Variants in CSMD1 observed in about 807,000 individuals in gnomAD.
CSMD1 encodes CUB and sushi domain-containing protein 1.
Under a neutral mutation model 417.5 loss-of-function variants are expected in CSMD1, and 213 were observed. That is an observed-to-expected ratio of 0.51 (90% CI 0.46 to 0.57). The LOEUF is 0.57. CSMD1 is among the 20% of genes least tolerant of loss of function. The probability of loss-of-function intolerance (pLI) is 0.00; values close to 1 mark genes in which losing one functional copy is unlikely to be tolerated. For synonymous variants in CSMD1, 2,862 were observed against 1,736.8 expected (o/e 1.65, Z -16.11); for missense variants, 6,923 against 4,529.7 (o/e 1.53, Z -15.17).
chr8:2,940,366 G>A (rs1801784439), intron 69 of CSMD1, among the ~76,000 whole-genome samples: 2 of 152,152 alleles, frequency 1.3e-5, no homozygotes, highest in African/African-American at 4.8e-5. Flanking sequence ...ACTGTGAGAG[G>A]GAACAGCTTC....
In CSMD1 at chr8:3,096,979, C is replaced by T. The variant is rs775597713; in HGVS notation, c.7008G>A (p.Gly2336=). 5 of 1,555,634 alleles carry T rather than the reference C, an allele frequency of 3.2e-6. No individual in the cohort carries two copies. The highest frequency in any genetic ancestry group is 4.4e-6 in the Non-Finnish European group (5 of 1,148,754). The change falls in exon 47 of 70, where the codon GGG becomes GGA. Residue 2336 remains glycine (G), a synonymous_variant. Transcript: ENST00000635120. ...GGGAGTTAAAATAATTACCCGGATACCCTGGACTGAGAATGACTCCCGATG... is the reference window on the plus strand; with the variant it reads ...GGGAGTTAAAATAATTACCCGGATATCCTGGACTGAGAATGACTCCCGATG... ...TGSSGVILSP[G]YPGNYFNSQT...
chr8:3,852,000 G>A (rs1217428971), intron 5 of CSMD1, among the ~76,000 whole-genome samples: 2 of 152,148 alleles, frequency 1.3e-5, no homozygotes, highest in East Asian at 3.9e-4. Flanking sequence ...GCATGGAGGG[G>A]CTGCAATCAC....
intron 40 of CSMD1, among the ~76,000 whole-genome samples, chr8:3,148,201 T>C (rs913215817): frequency 1.3e-5 from 2 of 152,198 alleles, no homozygotes; most frequent in Non-Finnish European, 2.9e-5. Context: ...ATAATTGTGG[T>C]CACCTCTGCT....
chr8:4,920,856 GA>G (rs1806394197), intron 1 of CSMD1, among the ~76,000 whole-genome samples: 2 of 892 alleles, frequency 2.2e-3, no homozygotes, highest in African/African-American at 3.9e-3. Context: ...GAAAAGAAAA[GA>G]AAAGAAAAGA....
In CSMD1 at chr8:3,032,166, G is replaced by A. The variant is rs762969458; in HGVS notation, c.7661-2653C>T. ...AAGTCCATCTTGTCCTTTGTTAACT[G>A]AAGGATGAGAGTGGAAGAGTGGAGA... On this transcript the variant is annotated intron_variant, in intron 50 of 69. Transcript: ENST00000635120. 2.6e-5 allele frequency among the ~76,000 whole-genome samples: 4 copies of A among 151,932 alleles called. 1 individual carries two copies. Among genetic ancestry groups the A allele is most frequent in the Non-Finnish European group, 4.4e-5 (3 of 67,960 alleles).
intron 10 of CSMD1, among the ~76,000 whole-genome samples, chr8:3,506,392 C>A (rs926962733): frequency 2.0e-5 from 3 of 152,140 alleles, no homozygotes; most frequent in Admixed American, 6.5e-5. Flanking sequence ...GGAGTAAACA[C>A]GTTTTTACAC....
chr8:4,343,607 A>C (rs1358864561), intron 3 of CSMD1, among the ~76,000 whole-genome samples: 1 of 152,116 alleles, frequency 6.6e-6, no homozygotes, highest in Non-Finnish European at 1.5e-5. Context: ...ATAGAAACTA[A>C]CCCAAAAAGC....
At chr8:3,382,647 A>C (rs1810711553) in intron 18 of CSMD1, among the ~76,000 whole-genome samples, 1 of 147,854 alleles carries the variant, frequency 6.8e-6, no homozygotes. Context: ...CTCTATATAG[A>C]GATAGATATA....
rs1799124133 is a variant in CSMD1, at chr8:3,235,916, G to GTTTTTTTTTTGTTTTTT, written c.4154-5686_4154-5685insAAAAAACAAAAAAAAAA. On this transcript the variant is annotated intron_variant, in intron 26 of 69. Coordinates refer to ENST00000635120, the MANE Select transcript of CSMD1 (RefSeq NM_033225.6). ...TTATGCCAGTTATATGAAGATGTAA[G>GTTTTTTTTTTGTTTTTT]TTTTTTTTTTTTTTTTTTTGAGACA... Among the ~76,000 whole-genome samples, 2 of 119,378 alleles carry GTTTTTTTTTTGTTTTTT rather than the reference G, an allele frequency of 1.7e-5. 1 individual carries two copies. Among genetic ancestry groups the GTTTTTTTTTTGTTTTTT allele is most frequent in the African/African-American group, 6.3e-5 (2 of 31,676 alleles). The allele number at this position is 119,378 out of a possible 152,430, so 78.3% of individuals were successfully genotyped here. A position where few individuals can be genotyped will look rare whatever the true frequency, so the allele number is the denominator to read the frequency against.
At chr8:4,073,641 T>C (rs576542748) in intron 3 of CSMD1, among the ~76,000 whole-genome samples, 2 of 152,280 alleles carry the variant, frequency 1.3e-5, no homozygotes, top group East Asian at 1.9e-4. Flanking sequence ...AATGAATTTA[T>C]TCTGGGGAAT....
chr8:4,704,227 T>C (rs1005848078), intron 1 of CSMD1, among the ~76,000 whole-genome samples: 1 of 152,228 alleles, frequency 6.6e-6, no homozygotes, highest in Non-Finnish European at 1.5e-5. Flanking sequence ...GTCATTTAAG[T>C]CATTTGCATT....
At chr8:3,458,089 T>C (rs1384674685) in intron 12 of CSMD1, among the ~76,000 whole-genome samples, 1 of 152,230 alleles carries the variant, frequency 6.6e-6, no homozygotes, top group East Asian at 1.9e-4. Flanking sequence ...AAGTTTGCTC[T>C]AACGTGAGCC....
intron 31 of CSMD1, among the ~76,000 whole-genome samples, chr8:3,203,884 C>G (rs922885775): frequency 6.6e-6 from 1 of 152,184 alleles, no homozygotes; most frequent in Non-Finnish European, 1.5e-5. Flanking sequence ...CAGCCTCTTC[C>G]TACCTGGTAA....
At chr8:3,513,060 G>A (rs1487893586) in intron 10 of CSMD1, among the ~76,000 whole-genome samples, 3 of 152,000 alleles carry the variant, frequency 2.0e-5, no homozygotes, top group Non-Finnish European at 4.4e-5. Context: ...CTTCTAAAAC[G>A]GATAGCTGTG....
intron 4 of CSMD1, among the ~76,000 whole-genome samples, chr8:4,031,311 T>G (rs1339422830): frequency 2.0e-5 from 3 of 152,192 alleles, no homozygotes; most frequent in Non-Finnish European, 4.4e-5. Flanking sequence ...CCGTCCCAAG[T>G]GGCTGGGGAA....
At chr8:3,799,003 T>A (rs1418228379) in intron 5 of CSMD1, among the ~76,000 whole-genome samples, 1 of 152,070 alleles carries the variant, frequency 6.6e-6, no homozygotes, top group African/African-American at 2.4e-5. Flanking sequence ...CATATAAATG[T>A]AATATAATAC....
chr8:4,437,673 A>C lies in CSMD1; in HGVS notation c.303-17608T>G, dbSNP rs376429733. 2.2e-3 allele frequency among the ~76,000 whole-genome samples: 333 copies of C among 152,316 alleles called. 1 individual carries two copies. The highest frequency in any genetic ancestry group is 7.7e-3 in the African/African-American group (321 of 41,570). ...CAAAGGAGTTCGTAGAGTTTAACCTAATATTTATAAGACCTTTAGCATAGA... is the reference window on the plus strand; with the variant it reads ...CAAAGGAGTTCGTAGAGTTTAACCTCATATTTATAAGACCTTTAGCATAGA... On this transcript the variant is annotated intron_variant, in intron 2 of 69. Coordinates refer to ENST00000635120, the MANE Select transcript of CSMD1 (RefSeq NM_033225.6).
At chr8:4,954,693 C>A (rs1808972752) in intron 1 of CSMD1, among the ~76,000 whole-genome samples, 1 of 152,106 alleles carries the variant, frequency 6.6e-6, no homozygotes, top group South Asian at 2.1e-4. Context: ...TCCTTATAAG[C>A]TATCATAAAC....
At chr8:3,862,259 G>A (rs759835912) in intron 5 of CSMD1, among the ~76,000 whole-genome samples, 1 of 152,114 alleles carries the variant, frequency 6.6e-6, no homozygotes, top group Non-Finnish European at 1.5e-5. Context: ...CCACTTAGGG[G>A]ACTGTGATAA....
Sources: allele counts gnomAD v4.1 joint callset (sites outside exome capture counted in the v4.1 genomes callset), GRCh38; gene constraint gnomAD v4.1.1; transcripts MANE v1.5; gene names NCBI Gene and HGNC (gene_info 2026-07-23, HGNC 2026-07-21).